SCML4: variants seen among roughly 807,000 people sequenced by gnomAD.
The protein encoded by SCML4 is Scm polycomb group protein like 4, also known as sex comb on midleg-like protein 4.
In SCML4, 34 loss-of-function variants were observed where a neutral mutation model predicts 41.1. That is an observed-to-expected ratio of 0.83 (90% CI 0.63 to 1.10). The LOEUF (loss-of-function observed/expected upper bound fraction) is 1.10, where lower values mean the gene tolerates loss of function less well. Ranked by LOEUF, SCML4 falls within the 50% of genes least tolerant of loss-of-function variation. The probability of loss-of-function intolerance (pLI) is 0.00; values close to 1 mark genes in which losing one functional copy is unlikely to be tolerated. For synonymous variants in SCML4, 214 were observed against 220.9 expected, an observed-to-expected ratio of 0.97 and a Z score of 0.28; for missense variants, 522 against 534.1, an observed-to-expected ratio of 0.98 and a Z score of 0.22.
At chr6:107,778,181 A>G (rs1781110195) in intron 1 of SCML4, among the ~76,000 whole-genome samples, 1 of 131,216 alleles carries the variant, frequency 7.6e-6, no homozygotes, top group African/African-American at 3.1e-5. Context: ...CAACAGAGTG[A>G]GCGAGACTCT....
chr6:107,823,919 T>C lies in SCML4; in HGVS notation c.-60+207A>G, dbSNP rs139355971. On this transcript the variant is annotated intron_variant, in intron 1 of 7. Transcript: ENST00000369020. Reference sequence around the variant, plus strand: ...TTACATTTTCCCCTCTGAGATCTGGTTAATAAATTAAATGCTGTACTTTGC... The same window carrying C: ...TTACATTTTCCCCTCTGAGATCTGGCTAATAAATTAAATGCTGTACTTTGC... Among the ~76,000 whole-genome samples, 854 of 152,328 alleles carry C rather than the reference T, an allele frequency of 5.6e-3. 3 individuals are homozygous for C. Among genetic ancestry groups the C allele is most frequent in the Non-Finnish European group, 8.7e-3 (595 of 68,034 alleles).
chr6:107,822,155 TG>T (rs547871187), intron 1 of SCML4, among the ~76,000 whole-genome samples: 141 of 152,360 alleles, frequency 9.3e-4, no homozygotes, highest in African/African-American at 3.2e-3. Context: ...CTTTGTACTT[TG>T]GGGTAGTGCT....
At chr6:107,777,274 CG>C (rs2114583308) in intron 1 of SCML4, among the ~76,000 whole-genome samples, 1 of 152,236 alleles carries the variant, frequency 6.6e-6, no homozygotes, top group East Asian at 1.9e-4. Flanking sequence ...CTGGCCATCA[CG>C]CCTGGCTAAT....
At chr6:107,810,600 G>A (rs941290188) in intron 1 of SCML4, among the ~76,000 whole-genome samples, 1 of 152,142 alleles carries the variant, frequency 6.6e-6, no homozygotes. Flanking sequence ...AATGTGAGTG[G>A]CCTAAAATTT....
At chr6:107,807,912 C>T (rs1244202834) in intron 1 of SCML4, among the ~76,000 whole-genome samples, 1 of 152,194 alleles carries the variant, frequency 6.6e-6, no homozygotes, top group African/African-American at 2.4e-5. Context: ...AAGAACAGTT[C>T]TATTATCCGT....
chr6:107,703,449 G>T lies in SCML4; in HGVS notation c.*1751C>A, dbSNP rs1318793950. On this transcript the variant is annotated 3_prime_UTR_variant, in exon 8 of 8. Transcript: ENST00000369020. ...CATGCTCTCAGTCCAGCCGCCATTT[G>T]TGTGTCTGAAAAGGAGGCTACGATG... 1.3e-5 allele frequency among the ~76,000 whole-genome samples: 2 copies of T among 152,190 alleles called. No individual in the cohort carries two copies. The highest frequency in any genetic ancestry group is 1.9e-4 in the East Asian group (1 of 5,200).
chr6:107,757,326 T>C (rs540155139), intron 2 of SCML4, among the ~76,000 whole-genome samples: 1 of 152,312 alleles, frequency 6.6e-6, no homozygotes, highest in East Asian at 1.9e-4. Context: ...TCGGTTGATA[T>C]AAAACTCAAG....
intron 1 of SCML4, among the ~76,000 whole-genome samples, chr6:107,823,449 G>A (rs1785092857): frequency 6.6e-6 from 1 of 152,168 alleles, no homozygotes; most frequent in Non-Finnish European, 1.5e-5. Context: ...TGGGAAGGAG[G>A]TGATTTTGAG....
chr6:107,745,232 A>G (rs1777970289), intron 4 of SCML4, 89 bp from the exon 5 acceptor site: 2 of 998,182 alleles, frequency 2.0e-6, no homozygotes, highest in African/African-American at 1.7e-5. Flanking sequence ...TCGTTTGTTC[A>G]TTTTTGTTTT....
the SCML4 span, among the ~76,000 whole-genome samples, chr6:107,841,883 C>A: frequency 6.6e-6 from 1 of 152,166 alleles, no homozygotes; most frequent in South Asian, 2.1e-4. Flanking sequence ...ACTTAGGACT[C>A]TCATGGGAAG....
intron 2 of SCML4, among the ~76,000 whole-genome samples, chr6:107,750,555 AG>A (rs1305174504): frequency 6.6e-6 from 1 of 152,212 alleles, no homozygotes; most frequent in Non-Finnish European, 1.5e-5. Context: ...TAATGAAGAA[AG>A]TCAGTCATGT....
intron 1 of SCML4, among the ~76,000 whole-genome samples, chr6:107,786,546 T>G (rs1781909940): frequency 6.6e-6 from 1 of 152,230 alleles, no homozygotes; most frequent in East Asian, 1.9e-4. Flanking sequence ...TTGGCATCCC[T>G]GTCTCTCTGT....
At chr6:107,814,736 A>T (rs949026068) in intron 1 of SCML4, among the ~76,000 whole-genome samples, 3 of 152,156 alleles carry the variant, frequency 2.0e-5, no homozygotes, top group Admixed American at 6.5e-5. Context: ...TATTTTTAGT[A>T]GAGACGGGGT....
At chr6:107,832,818 C>T in the SCML4 span, among the ~76,000 whole-genome samples, 4 of 152,106 alleles carry the variant, frequency 2.6e-5, no homozygotes, top group Admixed American at 1.3e-4. Flanking sequence ...TGCTGCGCGC[C>T]GCACATGTGA....
At chr6:107,809,229 G>A (rs1417907761) in intron 1 of SCML4, among the ~76,000 whole-genome samples, 1 of 152,244 alleles carries the variant, frequency 6.6e-6, no homozygotes, top group African/African-American at 2.4e-5. Flanking sequence ...TCAGCCACCA[G>A]TCCTGCTGGC....
upstream of SCML4, among the ~76,000 whole-genome samples, chr6:107,827,982 C>T (rs1167649813): frequency 1.3e-5 from 2 of 152,208 alleles, no homozygotes; most frequent in African/African-American, 2.4e-5. Flanking sequence ...GCCGAAACAA[C>T]CTTTGTTATA....
At chr6:107,766,949 ATTT>A (rs35794596) in intron 2 of SCML4, among the ~76,000 whole-genome samples, 41,840 of 136,278 alleles carry the variant, frequency 0.31, 8,509 homozygotes, top group African/African-American at 0.6. Context: ...CTATTAAGCT[ATTT>A]TTTTTTTTTT....
intron 6 of SCML4, among the ~76,000 whole-genome samples, chr6:107,714,977 ATT>A (rs1250441093): frequency 3.7e-5 from 2 of 54,466 alleles, no homozygotes; most frequent in Non-Finnish European, 5.6e-5. Context: ...CAAACCCTTT[ATT>A]TTTTTTTTTT....
rs369486060 is a variant in SCML4, at chr6:107,752,404, A to G, written c.157-2591T>C. Reference sequence around the variant, plus strand: ...ATGTACATTTGGGAATCATGAATATAGAGTTGGTATGTCAGACCATAATAA... The same window carrying G: ...ATGTACATTTGGGAATCATGAATATGGAGTTGGTATGTCAGACCATAATAA... On this transcript the variant is annotated intron_variant, in intron 2 of 7. Coordinates refer to ENST00000369020, the MANE Select transcript of SCML4 (RefSeq NM_198081.5). 3.9e-5 allele frequency among the ~76,000 whole-genome samples: 6 copies of G among 152,240 alleles called. No homozygotes were observed. In the East Asian group the frequency reaches 7.7e-4, roughly 20 times the overall value.
Sources: gnomAD v4.1 joint callset for allele counts (sites outside exome capture counted in the v4.1 genomes callset) on GRCh38, gnomAD v4.1.1 for gene constraint, MANE v1.5 for transcripts, NCBI Gene and HGNC (gene_info 2026-07-23, HGNC 2026-07-21) for gene names.